Variants in IL34 observed in about 807,000 individuals in gnomAD.
IL34 encodes interleukin-34.
In IL34, 17 loss-of-function variants were observed where a neutral mutation model predicts 25.3. The ratio of observed to expected loss-of-function variants is 0.67; its 90% CI spans 0.46 to 1.01. IL34 has a LOEUF of 1.01. Ranked by LOEUF, IL34 falls within the 50% of genes least tolerant of loss-of-function variation. IL34 has a pLI of 0.00. For synonymous variants in IL34, 174 were observed against 140.9 expected (o/e 1.23, Z -1.66); for missense variants, 368 against 312.9 (o/e 1.18, Z -1.33).
intron 1 of IL34, among the ~76,000 whole-genome samples, chr16:70,633,286 C>G (rs2051561185): frequency 6.6e-6 from 1 of 151,374 alleles, no homozygotes; most frequent in African/African-American, 2.4e-5. Flanking sequence ...CAGGGTCTCA[C>G]TCTGTTGCTC....
At chr16:70,617,127 G>C (rs1225113675) in intron 1 of IL34, among the ~76,000 whole-genome samples, 1 of 152,078 alleles carries the variant, frequency 6.6e-6, no homozygotes, top group Non-Finnish European at 1.5e-5. Context: ...GTTGTTAGAA[G>C]AAACATTTGT....
Position 70,646,927 on chromosome 16 carries a change from A to AG in IL34, c.-16dup. ...TGCTGGGGACGGCGCCTGAGCTCTC[A>AG]GGGGGACGAGGAACACCACCATGCC... is the stretch of plus-strand genomic sequence containing the variant. On this transcript the variant is annotated 5_prime_UTR_variant, in exon 1 of 6. Transcript: ENST00000288098. 1.4e-6 allele frequency: 2 copies of AG among 1,479,854 alleles called. No individual in the cohort carries two copies. Among genetic ancestry groups the AG allele is most frequent in the South Asian group, 1.4e-5 (1 of 72,708 alleles). The allele number at this position is 1,479,854 out of a possible 1,614,324, so 91.7% of individuals were successfully genotyped here.
chr16:70,610,715 G>T (rs1024166366), intron 1 of IL34, among the ~76,000 whole-genome samples: 2 of 152,244 alleles, frequency 1.3e-5, no homozygotes, highest in South Asian at 2.1e-4. Flanking sequence ...GAAGAAACCA[G>T]CTGGGGAGAA....
intron 1 of IL34, among the ~76,000 whole-genome samples, chr16:70,606,887 CAGTT>C (rs1382532000): frequency 2.0e-5 from 3 of 152,108 alleles, no homozygotes; most frequent in South Asian, 2.1e-4. Flanking sequence ...CGTGCCCAGA[CAGTT>C]CTTTTTATTG....
rs1567467753 is a variant in IL34 at position 70,656,585 on chromosome 16, T to C, written c.163-17T>C. The C allele has an allele frequency of 1.8e-6, 2 of 1,097,180 alleles. No individual in the cohort carries two copies. Among genetic ancestry groups the C allele is most frequent in the Non-Finnish European group, 2.8e-6 (2 of 707,102 alleles). 68.0% of individuals were successfully genotyped at this position (1,097,180 alleles called of 1,614,324 possible). Reference sequence around the variant, plus strand: ...TTTCTACTTCTGGCCTCATAGTTTGTTCTTGTGCCTCTCCAGAAACACTAC... The same window carrying C: ...TTTCTACTTCTGGCCTCATAGTTTGCTCTTGTGCCTCTCCAGAAACACTAC... On this transcript the variant is annotated splice_polypyrimidine_tract_variant and intron_variant, in intron 2 of 5. Coordinates refer to ENST00000288098, the MANE Select transcript of IL34 (RefSeq NM_001393494.1).
rs1160446537 is a variant in IL34 at position 70,657,061 on chromosome 16, A to G, written c.342A>G (p.Pro114=). 6.2e-7 allele frequency: 1 copy of G among 1,612,936 alleles called. No homozygotes were observed. The change falls in exon 4 of 6, where the codon CCA becomes CCG. Residue 114 remains proline, a synonymous_variant. Transcript: ENST00000288098. ...AGGACGTGCTGCTCGAGGGCCACCC[A>G]TCCTGGAAGTACCTGCAGGAGGTGG... is the stretch of plus-strand genomic sequence containing the variant. ...SVQDVLLEGH[P]SWKYLQEVET... is the part of the protein sequence containing the mutation.
intron 1 of IL34, among the ~76,000 whole-genome samples, chr16:70,587,617 G>A (rs2050710107): frequency 6.6e-6 from 1 of 151,842 alleles, no homozygotes; most frequent in African/African-American, 2.4e-5. Context: ...CCGCCTATAG[G>A]ACCTTGGCAG....
At chr16:70,590,197 G>C (rs1191751802) in intron 1 of IL34, among the ~76,000 whole-genome samples, 1 of 152,188 alleles carries the variant, frequency 6.6e-6, no homozygotes, top group Non-Finnish European at 1.5e-5. Context: ...AGCCGTGATG[G>C]GGCCCTGCTT....
upstream of IL34, among the ~76,000 whole-genome samples, chr16:70,641,977 A>C (rs1315595709): frequency 6.6e-5 from 10 of 152,252 alleles, no homozygotes; most frequent in Admixed American, 6.5e-4. Flanking sequence ...TATTCATGCA[A>C]GGGAGCATTA....
intron 1 of IL34, chr16:70,654,002 G>C (rs2052148025): frequency 6.6e-6 from 1 of 152,368 alleles, no homozygotes; most frequent in Non-Finnish European, 1.5e-5. Flanking sequence ...CAGACTGGAA[G>C]GCGCTACAGA....
chr16:70,622,431 G>A (rs1438312219), intron 1 of IL34, among the ~76,000 whole-genome samples: 2 of 150,550 alleles, frequency 1.3e-5, no homozygotes, highest in Non-Finnish European at 3.0e-5. Flanking sequence ...TTTCCTTGAG[G>A]ATAGATTTCC....
intron 1 of IL34, among the ~76,000 whole-genome samples, chr16:70,615,061 A>C (rs536728269): frequency 6.6e-6 from 1 of 152,348 alleles, no homozygotes; most frequent in East Asian, 1.9e-4. Flanking sequence ...ATTAGAGCTG[A>C]TCCTCAGGAA....
chr16:70,660,139 G>T lies in IL34; in HGVS notation c.681G>T (p.Thr227=). The T allele has an allele frequency of 6.2e-7, 1 of 1,610,400 alleles. No individual in the cohort carries two copies. The highest frequency in any genetic ancestry group is 1.1e-5 in the South Asian group (1 of 90,606). ...PWSPSSPPHS[T]GSVRPVRAQG... ...CCCCCAGCTCCCCGCCTCACTCCAC[G>T]GGCTCGGTGAGGCCGGTCAGGGCAC... The change falls in exon 6 of 6, where the codon ACG becomes ACT. Residue 227 remains threonine (T), a synonymous_variant. Coordinates refer to ENST00000288098, the MANE Select transcript of IL34 (RefSeq NM_001393494.1).
chr16:70,583,453 ACGAAG>A (rs1485925069), intron 1 of IL34, among the ~76,000 whole-genome samples: 1 of 152,092 alleles, frequency 6.6e-6, no homozygotes, highest in African/African-American at 2.4e-5. Context: ...GCTTCGAGGG[ACGAAG>A]CGAGTGTTAG....
chr16:70,604,804 A>ACCGAGGG (rs974908249), intron 1 of IL34, among the ~76,000 whole-genome samples: 16 of 152,100 alleles, frequency 1.1e-4, no homozygotes, highest in Admixed American at 2.6e-4. Flanking sequence ...AAGAGCGGGG[A>ACCGAGGG]CCGAGGGCCT....
chr16:70,616,167 C>T (rs971749924), intron 1 of IL34, among the ~76,000 whole-genome samples: 4 of 152,148 alleles, frequency 2.6e-5, no homozygotes, highest in Non-Finnish European at 4.4e-5. Context: ...ATCTCATACA[C>T]GTGGCCTGTT....
Position 70,646,710 on chromosome 16 carries a change from C to T in IL34, c.-238C>T. On this transcript the variant is annotated 5_prime_UTR_variant, in exon 1 of 6. Coordinates refer to ENST00000288098, the MANE Select transcript of IL34 (RefSeq NM_001393494.1). ...CGGCTCAGACCTGCTTCTGGGCTGC[C>T]ATGGGACTTGCGGCCACCGCCCCCC... is the stretch of plus-strand genomic sequence containing the variant. The T allele has an allele frequency of 2.1e-6, 1 of 482,120 alleles. No homozygotes were observed. The highest frequency in any genetic ancestry group is 3.6e-6 in the Non-Finnish European group (1 of 277,156). 29.9% of individuals were successfully genotyped at this position (482,120 alleles called of 1,614,324 possible).
At chr16:70,659,824 C>T (rs2052343140) in intron 5 of IL34, 71 bp downstream of exon 5, 3 of 1,532,908 alleles carry the variant, frequency 2.0e-6, no homozygotes, top group Non-Finnish European at 2.6e-6. Flanking sequence ...GGCCAGCTGG[C>T]AGAGCTGGCG....
intron 1 of IL34, chr16:70,654,109 GT>G (rs1406701693): frequency 6.4e-6 from 1 of 155,620 alleles, no homozygotes; most frequent in Non-Finnish European, 1.4e-5. Context: ...ATTTTATCAA[GT>G]TGAAACCAGA....
Sources: gnomAD v4.1 joint callset for allele counts (sites outside exome capture counted in the v4.1 genomes callset) on GRCh38, gnomAD v4.1.1 for gene constraint, MANE v1.5 for transcripts, NCBI Gene and HGNC (gene_info 2026-07-23, HGNC 2026-07-21) for gene names.